The following KATNB1 variants were observed in gnomAD, a reference collection of about 807,000 sequenced individuals.
KATNB1 encodes katanin p80 WD40 repeat-containing subunit B1.
KATNB1 carries 38 observed loss-of-function variants against 82.3 expected under a neutral mutation model. The ratio of observed to expected loss-of-function variants is 0.46; its 90% CI spans 0.36 to 0.61. The LOEUF (loss-of-function observed/expected upper bound fraction) is 0.61, where lower values mean the gene tolerates loss of function less well. Among genes scored for constraint, KATNB1 ranks in the 20% least tolerant of loss-of-function variants. The pLI is 0.00. For synonymous variants in KATNB1, 361 were observed against 368.7 expected (o/e 0.98, Z 0.24); for missense variants, 749 against 915.7 (o/e 0.82, Z 2.35).
At chr16:57,739,820 G>A (rs1032623097) in intron 2 of KATNB1, among the ~76,000 whole-genome samples, 5 of 152,142 alleles carry the variant, frequency 3.3e-5, no homozygotes, top group Admixed American at 6.5e-5. Context: ...GGCATATTTC[G>A]TGCAAGGCCT....
At chr16:57,753,018 G>A (rs1349143786) in intron 10 of KATNB1, 59 bp from the exon 11 acceptor site, 1 of 1,588,906 alleles carries the variant, frequency 6.3e-7, no homozygotes, top group African/African-American at 1.3e-5. Context: ...CCCCACACTG[G>A]GGCTGGGATT....
chr16:57,756,789 C>T, intron 19 of KATNB1, 25 bp from the exon 20 acceptor site: 1 of 1,517,684 alleles, frequency 6.6e-7, no homozygotes. Context: ...GCCAGCTAGC[C>T]CCTCAGGCAC....
Position 57,736,979 on chromosome 16 carries a change from C to G in KATNB1, c.-265C>G. 1 of 688,740 alleles carries G rather than the reference C, an allele frequency of 1.5e-6. No homozygotes were observed. Among genetic ancestry groups the G allele is most frequent in the Non-Finnish European group, 2.7e-6 (1 of 376,412 alleles). 42.7% of individuals were successfully genotyped at this position (688,740 alleles called of 1,614,324 possible). A position where few individuals can be genotyped will look rare whatever the true frequency, so the allele number is the denominator to read the frequency against. On this transcript the variant is annotated splice_region_variant and 5_prime_UTR_variant, in exon 2 of 20. Transcript: ENST00000379661. ...CGTCACCTCTTGTTTGTATTGCAGC[C>G]CTGTATTGAGCTGAGATGGCTCGAG...
chr16:57,750,458 T>C (rs2049217627), intron 4 of KATNB1, among the ~76,000 whole-genome samples: 1 of 152,140 alleles, frequency 6.6e-6, no homozygotes, highest in Non-Finnish European at 1.5e-5. Context: ...AACCTATCTC[T>C]ACCAAAAATA....
intron 4 of KATNB1, among the ~76,000 whole-genome samples, chr16:57,747,813 C>A (rs1193530814): frequency 6.6e-6 from 1 of 152,204 alleles, no homozygotes; most frequent in Non-Finnish European, 1.5e-5. Flanking sequence ...CGCCGTGCCC[C>A]CTGTCCAGGC....
chr16:57,747,579 G>A (rs1201265365), intron 4 of KATNB1, among the ~76,000 whole-genome samples: 2 of 152,204 alleles, frequency 1.3e-5, no homozygotes, highest in African/African-American at 2.4e-5. Flanking sequence ...TTTGCGTCTC[G>A]GCACGTGATC....
Position 57,744,462 on chromosome 16 carries a change from C to T in KATNB1, c.240C>T (p.Ala80=), listed in dbSNP as rs371895029. Residue 80 remains alanine, a synonymous_variant, in exon 4 of 20, where the codon GCC becomes GCT. Transcript: ENST00000379661. ...RLNTPEELIV[A]GSQSGSIRVW... The stretch of plus-strand genomic sequence containing the variant: ...ACACCCCCGAGGAGCTCATCGTGGC[C>T]GGCTCTCAGTCGGGCTCCATCCGTG... The T allele has an allele frequency of 1.4e-5, 23 of 1,613,920 alleles. No individual in the cohort carries two copies. The highest frequency in any genetic ancestry group is 6.6e-5 in the South Asian group (6 of 91,088).
chr16:57,742,211 G>A (rs772053937), intron 3 of KATNB1, among the ~76,000 whole-genome samples: 2 of 152,252 alleles, frequency 1.3e-5, no homozygotes, highest in Non-Finnish European at 2.9e-5. Context: ...CAACATGTGG[G>A]CGTTTATTTT....
intron 4 of KATNB1, among the ~76,000 whole-genome samples, chr16:57,747,581 C>T (rs2049192821): frequency 6.6e-6 from 1 of 152,214 alleles, no homozygotes; most frequent in Non-Finnish European, 1.5e-5. Context: ...TGCGTCTCGG[C>T]ACGTGATCGC....
intron 12 of KATNB1, among the ~76,000 whole-genome samples, 196 bp from the exon 13 acceptor site, chr16:57,753,749 T>TC (rs1267952369): frequency 1.3e-5 from 2 of 152,020 alleles, no homozygotes; most frequent in African/African-American, 4.8e-5. Flanking sequence ...CTGCTCAGTG[T>TC]CCCAGTCCCT....
intron 14 of KATNB1, 51 bp downstream of exon 14, chr16:57,755,048 A>G (rs782360290): frequency 4.3e-6 from 7 of 1,613,524 alleles, no homozygotes; most frequent in Admixed American, 1.7e-5. Context: ...GTCCTGACCC[A>G]GGGTTGGGGG....
chr16:57,738,214 C>T (rs1210185537), intron 2 of KATNB1, among the ~76,000 whole-genome samples: 1 of 152,124 alleles, frequency 6.6e-6, no homozygotes, highest in Non-Finnish European at 1.5e-5. Context: ...CTGTCTGCTG[C>T]CAGCTGTCCC....
At chr16:57,741,209 T>G (rs976735067) in intron 2 of KATNB1, among the ~76,000 whole-genome samples, 3 of 152,236 alleles carry the variant, frequency 2.0e-5, no homozygotes, top group Non-Finnish European at 4.4e-5. Context: ...AGGGTTTGTA[T>G]GTACACACAA....
rs782356618 is a variant in KATNB1 at position 57,755,855 on chromosome 16, C to T, written c.1581C>T (p.Ser527=). Residue 527 remains serine (S), a synonymous_variant, in exon 17 of 20, where the codon TCC becomes TCT. Transcript: ENST00000379661. ...TGTTTGCACAGACGTCGGTGGACTC[C>T]GCTGTGGCCATCAACGACCTGTCGG... The part of the protein sequence containing the change: ...TMGDIKTSVD[S]AVAINDLSVV... 3.7e-5 allele frequency: 59 copies of T among 1,592,710 alleles called. No individual in the cohort carries two copies. Among genetic ancestry groups the T allele is most frequent in the Middle Eastern group, 1.7e-4 (1 of 6,010 alleles).
In KATNB1 at chr16:57,741,612, C is replaced by T. The variant is rs1039534010; in HGVS notation, c.41-75C>T. Reference sequence around the variant, plus strand: ...GGCTTCAGGTTCCAAAGCGGGTAGCCGAGCAGGGTCACCCCTCCTTCACAA... The same window carrying T: ...GGCTTCAGGTTCCAAAGCGGGTAGCTGAGCAGGGTCACCCCTCCTTCACAA... On this transcript the variant is annotated intron_variant, in intron 2 of 19. Transcript: ENST00000379661. The T allele has an allele frequency of 3.8e-5, 57 of 1,512,564 alleles. No individual in the cohort carries two copies. In the African/African-American group the frequency reaches 4.4e-4, roughly 12 times the overall value. 93.7% of individuals were successfully genotyped at this position (1,512,564 alleles called of 1,614,324 possible). A position where few individuals can be genotyped will look rare whatever the true frequency, so the allele number is the denominator to read the frequency against.
chr16:57,745,828 A>G (rs534305830), intron 4 of KATNB1, among the ~76,000 whole-genome samples: 3 of 151,508 alleles, frequency 2.0e-5, no homozygotes, highest in South Asian at 4.2e-4. Context: ...TTCTATGTCC[A>G]TATTACTCAT....
chr16:57,753,911 A>G, intron 12 of KATNB1, 34 bp from the exon 13 acceptor site: 1 of 1,611,574 alleles, frequency 6.2e-7, no homozygotes, highest in Non-Finnish European at 8.5e-7. Context: ...CCTGGCCAGG[A>G]GCGCTCACAG....
At chr16:57,745,254 C>T (rs547912321) in intron 4 of KATNB1, among the ~76,000 whole-genome samples, 330 of 152,228 alleles carry the variant, frequency 2.2e-3, no homozygotes, top group Admixed American at 5.4e-3. Context: ...TGGCTCACGC[C>T]TATAATCCCA....
At chr16:57,739,392 G>A (rs1271739402) in intron 2 of KATNB1, among the ~76,000 whole-genome samples, 1 of 152,220 alleles carries the variant, frequency 6.6e-6, no homozygotes, top group Non-Finnish European at 1.5e-5. Context: ...TCTTGCATTT[G>A]GGATGCTGAT....
Sources: gnomAD v4.1 joint callset for allele counts (sites outside exome capture counted in the v4.1 genomes callset) on GRCh38, gnomAD v4.1.1 for gene constraint, MANE v1.5 for transcripts, NCBI Gene and HGNC (gene_info 2026-07-23, HGNC 2026-07-21) for gene names.